Variants in LIMS1 observed in about 807,000 individuals in gnomAD.
The protein encoded by LIMS1 is LIM and senescent cell antigen-like-containing domain protein 1.
A neutral mutation model predicts 44.1 loss-of-function variants in LIMS1; 18 were observed. The ratio of observed to expected loss-of-function variants is 0.41; its 90% CI spans 0.28 to 0.61. LIMS1 has a LOEUF of 0.61. Among genes scored for constraint, LIMS1 ranks in the 20% least tolerant of loss-of-function variants. LIMS1 has a pLI of 0.32. For missense variants in LIMS1, 201 were observed against 422.0 expected (o/e 0.48, Z 4.59); for synonymous variants, 93 against 149.1 (o/e 0.62, Z 2.74).
chr2:108,551,280 G>T (rs1684681220), intron 1 of LIMS1, among the ~76,000 whole-genome samples: 2 of 147,454 alleles, frequency 1.4e-5, no homozygotes, highest in Admixed American at 1.4e-4. Flanking sequence ...TCACTCCAAA[G>T]TTCACTCATA....
At chr2:108,662,371 G>A in intron 2 of LIMS1, 1 of 1,595,476 alleles carries the variant, frequency 6.3e-7, no homozygotes, top group Non-Finnish European at 8.6e-7. Context: ...GAGCAGTGAA[G>A]AATAAAGTGT....
chr2:108,599,943 A>G (rs1686914342), intron 1 of LIMS1, among the ~76,000 whole-genome samples: 1 of 151,450 alleles, frequency 6.6e-6, no homozygotes, highest in Non-Finnish European at 1.5e-5. Flanking sequence ...ACCCCTTGTC[A>G]GATGGTTAGT....
chr2:108,564,781 C>A (rs1289771696), intron 1 of LIMS1, among the ~76,000 whole-genome samples: 3 of 151,572 alleles, frequency 2.0e-5, no homozygotes, highest in East Asian at 1.9e-4. Flanking sequence ...CATGTTAGGG[C>A]TGAAGCTGGA....
intron 1 of LIMS1, among the ~76,000 whole-genome samples, chr2:108,597,077 T>G (rs1394544123): frequency 6.6e-6 from 1 of 151,102 alleles, no homozygotes; most frequent in East Asian, 2.0e-4. Flanking sequence ...CCCAGCTGAT[T>G]TTTGTATTTT....
intron 1 of LIMS1, among the ~76,000 whole-genome samples, chr2:108,589,906 G>C (rs923327122): frequency 6.6e-6 from 1 of 152,182 alleles, no homozygotes; most frequent in Non-Finnish European, 1.5e-5. Context: ...GATACGTGAT[G>C]TAATTTCAGC....
In LIMS1 at chr2:108,661,381, C is replaced by T. The variant is rs538127331; in HGVS notation, c.192+1617C>T. ...ATTTCTTTAGGCCTCCAAACATGCT[C>T]TATGTATCTTCTTACAGTTCTTCCT... On this transcript the variant is annotated intron_variant, in intron 2 of 9. Transcript: ENST00000544547. 2.0e-5 allele frequency among the ~76,000 whole-genome samples: 3 copies of T among 150,660 alleles called. No individual in the cohort carries two copies. In the South Asian group the frequency reaches 6.3e-4, roughly 32 times the overall value.
intron 1 of LIMS1, among the ~76,000 whole-genome samples, chr2:108,581,821 C>T (rs1474894149): frequency 6.6e-6 from 1 of 151,748 alleles, no homozygotes; most frequent in Non-Finnish European, 1.5e-5. Context: ...CCTGTAATCC[C>T]AGCTACTAGG....
intron 2 of LIMS1, among the ~76,000 whole-genome samples, chr2:108,666,044 G>A (rs958384400): frequency 2.7e-5 from 4 of 149,590 alleles, no homozygotes; most frequent in South Asian, 2.1e-4. Flanking sequence ...TTCACCACAC[G>A]CCAAGCAAGC....
intron 1 of LIMS1, among the ~76,000 whole-genome samples, chr2:108,570,111 G>C (rs1285064494): frequency 2.6e-5 from 4 of 152,010 alleles, no homozygotes; most frequent in Non-Finnish European, 5.9e-5. Flanking sequence ...ATATTTGTTT[G>C]TATGGGGAAA....
chr2:108,634,770 G>A (rs1317454963), intron 1 of LIMS1, among the ~76,000 whole-genome samples: 3 of 152,248 alleles, frequency 2.0e-5, no homozygotes, highest in Non-Finnish European at 2.9e-5. Context: ...AGCATGTGGA[G>A]CACTCACAGT....
chr2:108,608,449 G>T, intron 1 of LIMS1, among the ~76,000 whole-genome samples: 1 of 151,936 alleles, frequency 6.6e-6, no homozygotes, highest in East Asian at 1.9e-4. Flanking sequence ...GGGACTATAG[G>T]CGCCCGCCAC....
intron 1 of LIMS1, among the ~76,000 whole-genome samples, chr2:108,566,280 T>C (rs2104621298): frequency 6.6e-6 from 1 of 152,326 alleles, no homozygotes; most frequent in East Asian, 1.9e-4. Context: ...AGTAAGGCTT[T>C]AATTCATGTA....
chr2:108,575,195 A>G (rs1442073386), intron 1 of LIMS1, among the ~76,000 whole-genome samples: 1 of 151,810 alleles, frequency 6.6e-6, no homozygotes. Flanking sequence ...TTGTTTAATC[A>G]TTTGTAACTT....
intron 1 of LIMS1, among the ~76,000 whole-genome samples, chr2:108,629,064 T>A (rs910035736): frequency 7.2e-5 from 11 of 152,262 alleles, no homozygotes; most frequent in African/African-American, 2.7e-4. Flanking sequence ...TGTCTATCTA[T>A]GTTGCCATCT....
intron 1 of LIMS1, chr2:108,621,479 GT>G: frequency 6.5e-7 from 1 of 1,533,098 alleles, no homozygotes; most frequent in East Asian, 2.4e-5. Flanking sequence ...CAAAGTCATG[GT>G]TGGCTAAAGG....
chr2:108,636,785 C>T lies in LIMS1; in HGVS notation c.33-22820C>T, dbSNP rs1405954175. ...GCTTTCAAAAACCATAGCTTCATTC[C>T]GTGACAGAGAATGGAGAGCTCTGTG... On this transcript the variant is annotated intron_variant, in intron 1 of 9. Transcript: ENST00000544547. 8.5e-5 allele frequency among the ~76,000 whole-genome samples: 13 copies of T among 152,222 alleles called. No individual in the cohort carries two copies. In the East Asian group the frequency reaches 1.2e-3, roughly 14 times the overall value.
At chr2:108,540,006 A>G (rs765328529) in intron 1 of LIMS1, among the ~76,000 whole-genome samples, 7 of 151,944 alleles carry the variant, frequency 4.6e-5, no homozygotes, top group Non-Finnish European at 8.8e-5. Flanking sequence ...TCAAATGAAC[A>G]TAAGATGATA....
At chr2:108,576,901 C>A (rs1277778246) in intron 1 of LIMS1, among the ~76,000 whole-genome samples, 1 of 152,170 alleles carries the variant, frequency 6.6e-6, no homozygotes, top group Non-Finnish European at 1.5e-5. Flanking sequence ...ACAGGGAGAA[C>A]TCCCTGAGGT....
intron 1 of LIMS1, among the ~76,000 whole-genome samples, chr2:108,619,224 A>G (rs112823243): frequency 0.027 from 4,057 of 152,260 alleles, 85 homozygotes; most frequent in Non-Finnish European, 0.038. Context: ...TACATTTCCT[A>G]TGGAGACAGG....
Sources: gnomAD v4.1 joint callset for allele counts (sites outside exome capture counted in the v4.1 genomes callset) on GRCh38, gnomAD v4.1.1 for gene constraint, MANE v1.5 for transcripts, NCBI Gene and HGNC (gene_info 2026-07-23, HGNC 2026-07-21) for gene names.